GABRB1: variants seen among roughly 807,000 people sequenced by gnomAD.
The protein encoded by GABRB1 is gamma-aminobutyric acid type A receptor subunit beta1, also known as gamma-aminobutyric acid receptor subunit beta-1.
Under a neutral mutation model 51.6 loss-of-function variants are expected in GABRB1, and 17 were observed. That is an observed-to-expected ratio of 0.33 (90% CI 0.23 to 0.49). The LOEUF (loss-of-function observed/expected upper bound fraction) is 0.49, where lower values mean the gene tolerates loss of function less well. GABRB1 is among the 20% of genes least tolerant of loss of function. The pLI is 0.99. For missense variants in GABRB1, 410 were observed against 600.6 expected, an observed-to-expected ratio of 0.68 and a Z score of 3.32; for synonymous variants, 247 against 218.9, an observed-to-expected ratio of 1.13 and a Z score of -1.14.
chr4:47,134,853 A>G (rs562843596), intron 3 of GABRB1, among the ~76,000 whole-genome samples: 4 of 152,360 alleles, frequency 2.6e-5, no homozygotes, highest in African/African-American at 9.6e-5. Context: ...ACAATGGCTC[A>G]GGCCTCTAAT....
chr4:47,283,408 C>T (rs71609489), intron 4 of GABRB1, among the ~76,000 whole-genome samples: 2 of 77,512 alleles, frequency 2.6e-5, no homozygotes, highest in East Asian at 3.8e-4. Flanking sequence ...TTTTTTGAGA[C>T]AGAGTCTCAG....
chr4:47,205,416 T>C (rs1577999963), intron 4 of GABRB1, among the ~76,000 whole-genome samples: 1 of 152,186 alleles, frequency 6.6e-6, no homozygotes. Flanking sequence ...TTATGGGACA[T>C]CTTTGATGTC....
intron 5 of GABRB1, among the ~76,000 whole-genome samples, chr4:47,391,152 G>A (rs1275546142): frequency 1.3e-5 from 2 of 151,952 alleles, no homozygotes; most frequent in Non-Finnish European, 2.9e-5. Context: ...CTCCAGCCTG[G>A]GCAAAAGAGC....
chr4:47,232,773 G>A (rs1334905659), intron 4 of GABRB1, among the ~76,000 whole-genome samples: 1 of 151,754 alleles, frequency 6.6e-6, no homozygotes, highest in Non-Finnish European at 1.5e-5. Context: ...TATCCAAAAG[G>A]TCATCAAATT....
At chr4:47,268,950 T>A (rs539238679) in intron 4 of GABRB1, among the ~76,000 whole-genome samples, 2 of 152,324 alleles carry the variant, frequency 1.3e-5, no homozygotes, top group African/African-American at 4.8e-5. Context: ...CTGTGTTTCA[T>A]GCAAAATGAA....
At chr4:47,167,961 G>A (rs1372486) in intron 4 of GABRB1, among the ~76,000 whole-genome samples, 102,396 of 151,996 alleles carry the variant, frequency 0.67, 35,104 homozygotes, top group Middle Eastern at 0.83. Context: ...AATGGACTAA[G>A]ATGGGAAGTG....
intron 4 of GABRB1, among the ~76,000 whole-genome samples, chr4:47,246,701 A>C (rs897824499): frequency 6.6e-6 from 1 of 151,432 alleles, no homozygotes; most frequent in Non-Finnish European, 1.5e-5. Context: ...CTGTTTTTTG[A>C]TTGTTTGATT....
At chr4:47,019,672 TTTCTTTCCTTCTTTCCTTCTTCTTTCC>T (rs1560498223) in intron 1 of GABRB1, among the ~76,000 whole-genome samples, 6 of 141,038 alleles carry the variant, frequency 4.3e-5, no homozygotes, top group Non-Finnish European at 9.2e-5. Flanking sequence ...TCTTTCTTTC[TTTCTTTCCTTCTTTCCTTCTTCTTTCC>T]TTCTTTCCTT....
At chr4:47,055,174 T>C (rs1385996549) in intron 3 of GABRB1, among the ~76,000 whole-genome samples, 1 of 152,226 alleles carries the variant, frequency 6.6e-6, no homozygotes, top group East Asian at 1.9e-4. Context: ...TTGCTACTTC[T>C]TATGTCTCTT....
chr4:47,079,733 C>A (rs1727741341), intron 3 of GABRB1, among the ~76,000 whole-genome samples: 1 of 150,842 alleles, frequency 6.6e-6, no homozygotes, highest in East Asian at 2.0e-4. Flanking sequence ...TCATTCTCAG[C>A]AAACTATCGC....
intron 3 of GABRB1, chr4:47,033,062 C>A: frequency 3.7e-6 from 1 of 267,510 alleles, no homozygotes; most frequent in Non-Finnish European, 7.6e-6. Flanking sequence ...GTGCCCGAGC[C>A]TGGGTAGGCT....
chr4:47,316,921 C>G (rs1442987387), intron 4 of GABRB1, among the ~76,000 whole-genome samples: 1 of 151,886 alleles, frequency 6.6e-6, no homozygotes, highest in East Asian at 1.9e-4. Context: ...TCATCATAAT[C>G]CCTGCTTTTA....
chr4:47,257,890 C>T (rs1042867588), intron 4 of GABRB1, among the ~76,000 whole-genome samples: 7 of 151,912 alleles, frequency 4.6e-5, no homozygotes, highest in Admixed American at 6.6e-5. Context: ...TTACACTTCA[C>T]TCCACTGCCT....
At chr4:47,057,080 G>A (rs1726644092) in intron 3 of GABRB1, among the ~76,000 whole-genome samples, 1 of 152,144 alleles carries the variant, frequency 6.6e-6, no homozygotes, top group African/African-American at 2.4e-5. Context: ...ACTCCAGCCT[G>A]GGCGACAGAG....
chr4:47,400,851 A>T (rs1194449824), intron 5 of GABRB1, among the ~76,000 whole-genome samples: 1 of 150,940 alleles, frequency 6.6e-6, no homozygotes, highest in African/African-American at 2.4e-5. Flanking sequence ...GAGTTACTTC[A>T]TATAGGATAA....
In GABRB1 at chr4:47,125,559, C is replaced by CTTTTTTTTTTTTTTTTTTT. The variant is rs71195605; in HGVS notation, c.241-35676_241-35675insTTTTTTTTTTTTTTTTTTT. Reference sequence around the variant, plus strand: ...CTCTAGACACAACAAAGTATAATTTCTTTTTTTTTTTTTTGAGACGGAGTC... The same window carrying CTTTTTTTTTTTTTTTTTTT: ...CTCTAGACACAACAAAGTATAATTTCTTTTTTTTTTTTTTTTTTTTTTTTTTTTTTTTTGAGACGGAGTC... On this transcript the variant is annotated intron_variant, in intron 3 of 8. Coordinates refer to ENST00000295454, the MANE Select transcript of GABRB1 (RefSeq NM_000812.4). Among the ~76,000 whole-genome samples, 14 of 80,716 alleles carry CTTTTTTTTTTTTTTTTTTT rather than the reference C, an allele frequency of 1.7e-4. 3 individuals are homozygous for CTTTTTTTTTTTTTTTTTTT. The highest frequency in any genetic ancestry group is 3.8e-4 in the East Asian group (1 of 2,600). The allele number at this position is 80,716 out of a possible 152,430, so 53.0% of individuals were successfully genotyped here.
chr4:47,071,100 T>C (rs543816291), intron 3 of GABRB1, among the ~76,000 whole-genome samples: 1 of 152,360 alleles, frequency 6.6e-6, no homozygotes, highest in South Asian at 2.1e-4. Flanking sequence ...GGGTCAACTT[T>C]GATGTCTCTC....
chr4:47,059,204 T>C (rs914999620), intron 3 of GABRB1, among the ~76,000 whole-genome samples: 1 of 152,244 alleles, frequency 6.6e-6, no homozygotes, highest in Admixed American at 6.5e-5. Context: ...AATAACTTTC[T>C]GATCATTCCA....
chr4:47,251,491 G>A (rs1721986758), intron 4 of GABRB1, among the ~76,000 whole-genome samples: 8 of 152,132 alleles, frequency 5.3e-5, no homozygotes, highest in Admixed American at 5.2e-4. Flanking sequence ...CTGGAGGTGG[G>A]TGGGGCCCTA....
Sources: gnomAD v4.1 joint callset for allele counts (sites outside exome capture counted in the v4.1 genomes callset) on GRCh38, gnomAD v4.1.1 for gene constraint, MANE v1.5 for transcripts, NCBI Gene and HGNC (gene_info 2026-07-23, HGNC 2026-07-21) for gene names.